Variants in PCDHGB3 observed in about 807,000 individuals in gnomAD.
PCDHGB3 encodes the protein protocadherin gamma-B3.
A neutral mutation model predicts 59.2 loss-of-function variants in PCDHGB3; 40 were observed. That is an observed-to-expected ratio of 0.68 (90% CI 0.52 to 0.88). PCDHGB3 has a LOEUF of 0.88. Ranked by LOEUF, PCDHGB3 falls within the 40% of genes least tolerant of loss-of-function variation. The pLI, the probability that PCDHGB3 is intolerant of heterozygous loss-of-function variation, is 0.00. For synonymous variants in PCDHGB3, 581 were observed against 503.6 expected (o/e 1.15, Z -2.06); for missense variants, 1,309 against 1,187.9 (o/e 1.10, Z -1.50).
chr5:141,373,326 G>A (rs1419997594), intron 1 of PCDHGB3, among the ~76,000 whole-genome samples: 3 of 152,172 alleles, frequency 2.0e-5, no homozygotes, highest in East Asian at 3.8e-4. Context: ...AGAAATAATG[G>A]CATCTAAAAT....
chr5:141,485,726 C>G lies in PCDHGB3; in HGVS notation c.2416-9081C>G. On this transcript the variant is annotated intron_variant, in intron 1 of 3. Transcript: ENST00000576222. The surrounding 1 kb of genome is among the most constrained non-coding windows in gnomAD (Gnocchi z 5.7). ...ACACTTTGCACTGGATGTGAAGAAG[C>G]GCAGCGACGGCAGCCTGGTCCCAGA... 2 of 1,614,140 alleles carry G rather than the reference C, an allele frequency of 1.2e-6. No individual in the cohort carries two copies. The highest frequency in any genetic ancestry group is 1.1e-5 in the South Asian group (1 of 91,082).
intron 1 of PCDHGB3, among the ~76,000 whole-genome samples, chr5:141,447,805 G>A (rs1389870133): frequency 2.0e-5 from 3 of 152,064 alleles, no homozygotes; most frequent in Admixed American, 2.0e-4. Context: ...AATAAAATTG[G>A]CTGGGCGTGG....
chr5:141,485,275 G>T lies in PCDHGB3; in HGVS notation c.2416-9532G>T, dbSNP rs77402299. ...ACGTTTGTGGGCAGATCCGCTACCC[G>T]GTCCCAGAGGAGTCACAGGAAGGGA... is the stretch of plus-strand genomic sequence containing the variant. On this transcript the variant is annotated intron_variant, in intron 1 of 3. Coordinates refer to ENST00000576222, the MANE Select transcript of PCDHGB3 (RefSeq NM_018924.5). The surrounding 1 kb of genome is among the most constrained non-coding windows in gnomAD (Gnocchi z 5.7). 1.1e-5 allele frequency: 18 copies of T among 1,614,072 alleles called. No individual in the cohort carries two copies. The South Asian group carries it at 1.4e-4, about 13-fold the overall frequency.
intron 1 of PCDHGB3, chr5:141,418,954 T>G (rs1490406390): frequency 6.2e-7 from 1 of 1,613,914 alleles, no homozygotes; most frequent in East Asian, 2.2e-5. Flanking sequence ...CAGGAGTGGT[T>G]GTTGCCCTCT....
chr5:141,407,661 T>G (rs964293417), intron 1 of PCDHGB3, among the ~76,000 whole-genome samples: 13 of 152,164 alleles, frequency 8.5e-5, no homozygotes, highest in African/African-American at 2.7e-4. Flanking sequence ...GAGCGCAGTA[T>G]ATATTAAACA....
intron 1 of PCDHGB3, among the ~76,000 whole-genome samples, chr5:141,457,863 C>A (rs2098930968): frequency 6.6e-6 from 1 of 152,194 alleles, no homozygotes; most frequent in Non-Finnish European, 1.5e-5. Flanking sequence ...TCTTCACTGA[C>A]CACAGGTTAG....
At chr5:141,449,566 G>A (rs1235137244) in intron 1 of PCDHGB3, among the ~76,000 whole-genome samples, 4 of 147,126 alleles carry the variant, frequency 2.7e-5, no homozygotes, top group East Asian at 4.0e-4. Context: ...TCCAGCCTGG[G>A]CGACAGAGCA....
At chr5:141,500,723 G>A (rs6875791) in intron 2 of PCDHGB3, among the ~76,000 whole-genome samples, 4,890 of 152,100 alleles carry the variant, frequency 0.032, 255 homozygotes, top group African/African-American at 0.11. Flanking sequence ...ATTTCCCCAT[G>A]TCTTTCAAAA....
Position 141,476,855 on chromosome 5 carries a change from T to C in PCDHGB3, c.2416-17952T>C, listed in dbSNP as rs149491772. The C allele has an allele frequency of 3.2e-4, 519 of 1,613,836 alleles. 3 individuals carry two copies. The African/African-American group carries it at 6.2e-3, about 19-fold the overall frequency. Reference sequence around the variant, plus strand: ...TGACAATGCGCCTGTCTTCAACCAGTCCTTGTACCGGGCGCGCGTCCTGGA... The same window carrying C: ...TGACAATGCGCCTGTCTTCAACCAGCCCTTGTACCGGGCGCGCGTCCTGGA... On this transcript the variant is annotated intron_variant, in intron 1 of 3. Coordinates refer to ENST00000576222, the MANE Select transcript of PCDHGB3 (RefSeq NM_018924.5). This position sits in a 1 kb window ranked among gnomAD's most constrained non-coding sequence, Gnocchi z 7.6.
At chr5:141,399,511 C>T in intron 1 of PCDHGB3, 1 of 1,614,042 alleles carries the variant, frequency 6.2e-7, no homozygotes, top group Non-Finnish European at 8.5e-7. Context: ...CGAAAACAAC[C>T]CTCCTGGGGC....
At chr5:141,414,274 G>A (rs762803658) in intron 1 of PCDHGB3, 23 of 1,613,368 alleles carry the variant, frequency 1.4e-5, no homozygotes, top group Non-Finnish European at 1.9e-5. Flanking sequence ...TTCACCTCTG[G>A]GAACAGTCGT....
At chr5:141,380,262 A>G (rs1183031008) in intron 1 of PCDHGB3, among the ~76,000 whole-genome samples, 3 of 152,232 alleles carry the variant, frequency 2.0e-5, no homozygotes, top group African/African-American at 7.2e-5. Flanking sequence ...GGGAAGGAGT[A>G]AAATCTCAGA....
intron 1 of PCDHGB3, chr5:141,440,531 C>G (rs931337116): frequency 6.6e-6 from 1 of 152,272 alleles, no homozygotes; most frequent in Middle Eastern, 3.4e-3. Flanking sequence ...GAATCATGCA[C>G]CACGGTTCAG....
intron 1 of PCDHGB3, chr5:141,415,347 C>T (rs1369709460): frequency 1.9e-6 from 3 of 1,614,120 alleles, no homozygotes; most frequent in Non-Finnish European, 2.5e-6. Context: ...GGCGCTGGCA[C>T]AAGTCACGCC....
rs752316565 is a variant in PCDHGB3 at position 141,487,235 on chromosome 5, C to T, written c.2416-7572C>T. On this transcript the variant is annotated intron_variant, in intron 1 of 3. Coordinates refer to ENST00000576222, the MANE Select transcript of PCDHGB3 (RefSeq NM_018924.5). This position sits in a 1 kb window ranked among gnomAD's most constrained non-coding sequence, Gnocchi z 5.0. The stretch of plus-strand genomic sequence containing the variant: ...TTCAGCTCCAAGGGAAGGAGAATCT[C>T]GTCTAACCCTCTACTTGGCTGTGTC... The T allele has an allele frequency of 2.5e-6, 4 of 1,614,126 alleles. No individual in the cohort carries two copies. Among genetic ancestry groups the T allele is most frequent in the Non-Finnish European group, 3.4e-6 (4 of 1,179,994 alleles).
chr5:141,376,110 G>C (rs772810239), intron 1 of PCDHGB3: 1 of 1,613,644 alleles, frequency 6.2e-7, no homozygotes. Context: ...GCCGACCTGG[G>C]CAGCCTCGAG....
chr5:141,403,186 C>G, intron 1 of PCDHGB3: 2 of 1,614,012 alleles, frequency 1.2e-6, no homozygotes, highest in Non-Finnish European at 1.7e-6. Flanking sequence ...TCTCTCTGAA[C>G]CCGCGCAGCG....
chr5:141,476,158 G>A lies in PCDHGB3; in HGVS notation c.2416-18649G>A. 2 of 1,612,868 alleles carry A rather than the reference G, an allele frequency of 1.2e-6. No homozygotes were observed. Among genetic ancestry groups the A allele is most frequent in the Non-Finnish European group, 1.7e-6 (2 of 1,179,894 alleles). On this transcript the variant is annotated intron_variant, in intron 1 of 3. Transcript: ENST00000576222. The surrounding 1 kb of genome is among the most constrained non-coding windows in gnomAD (Gnocchi z 7.6). ...GGAGGAGCGGACTGGTAAGCACCGGGAGGGTAGTGGGAGTTTTGCTTCTGC... is the reference window on the plus strand; with the variant it reads ...GGAGGAGCGGACTGGTAAGCACCGGAAGGGTAGTGGGAGTTTTGCTTCTGC...
intron 1 of PCDHGB3, chr5:141,399,297 T>A (rs370898446): frequency 6.2e-7 from 1 of 1,613,830 alleles, no homozygotes; most frequent in African/African-American, 1.3e-5. Context: ...CTTTTAAGAT[T>A]ATCTCTTCAT....
Sources: allele counts gnomAD v4.1 joint callset (sites outside exome capture counted in the v4.1 genomes callset), GRCh38; gene constraint gnomAD v4.1.1; non-coding constraint Gnocchi (gnomAD v3.1); transcripts MANE v1.5; gene names NCBI Gene and HGNC (gene_info 2026-07-23, HGNC 2026-07-21).